The following BROX variants were observed in gnomAD, a reference collection of about 807,000 sequenced individuals.
BROX encodes BRO1 domain and CAAX motif containing.
BROX carries 53 observed loss-of-function variants against 61.0 expected under a neutral mutation model. The observed-to-expected ratio is 0.87, with a 90% CI of 0.70 to 1.09. BROX has a LOEUF of 1.09. BROX is among the 50% of genes least tolerant of loss of function. The probability of loss-of-function intolerance (pLI) is 0.00; values close to 1 mark genes in which losing one functional copy is unlikely to be tolerated. For missense variants in BROX, 489 were observed against 472.0 expected, an observed-to-expected ratio of 1.04 and a Z score of -0.33; for synonymous variants, 152 against 160.2, an observed-to-expected ratio of 0.95 and a Z score of 0.38.
chr1:222,731,500 G>T lies in BROX; in HGVS notation c.1133G>T (p.Arg378Ile). 1 of 1,587,840 alleles carries T rather than the reference G, an allele frequency of 6.3e-7. No individual in the cohort carries two copies. The highest frequency in any genetic ancestry group is 8.5e-7 in the Non-Finnish European group (1 of 1,173,314). The change falls in exon 12 of 13, where the codon AGA becomes ATA. Residue 378 changes from arginine (R) to isoleucine (I), a missense_variant. Physicochemically the swap from Arg to Ile is moderately conservative, Grantham distance 97. Transcript: ENST00000340934. The part of the protein sequence containing the change: ...ETLAAFDLTK[R>I]PKDDSTKPKP... ...TTGGCTGCATTTGATCTCACCAAAA[G>T]ACCCAAGGATGACAGTGTATGAGAT...
At position 222,729,764 on chromosome 1, in the gene BROX, G is replaced by A. The variant is rs911067551; in HGVS notation, c.838+63G>A. 4 of 1,469,208 alleles carry A rather than the reference G, an allele frequency of 2.7e-6. No individual in the cohort carries two copies. In the African/African-American group the frequency reaches 5.6e-5, roughly 21 times the overall value. 91.0% of individuals were successfully genotyped at this position (1,469,208 alleles called of 1,614,324 possible). Reference sequence around the variant, plus strand: ...AAACAAATGACTTTATCATAAAAGGGAATATATGCTTAAAGAGATTTTGGC... The same window carrying A: ...AAACAAATGACTTTATCATAAAAGGAAATATATGCTTAAAGAGATTTTGGC... On this transcript the variant is annotated intron_variant, in intron 10 of 12. Coordinates refer to ENST00000340934, the MANE Select transcript of BROX (RefSeq NM_144695.4).
chr1:222,727,276 C>G lies in BROX; in HGVS notation c.670+19C>G, dbSNP rs369931734. ...AAAGCTGGTAAGCTTCTAATTCTGT[C>G]GTTACATTTTTAGTCTTTAGATTTT... is the stretch of plus-strand genomic sequence containing the variant. On this transcript the variant is annotated intron_variant, in intron 8 of 12. Coordinates refer to ENST00000340934, the MANE Select transcript of BROX (RefSeq NM_144695.4). 8.4e-6 allele frequency: 13 copies of G among 1,554,080 alleles called. No homozygotes were observed. In the East Asian group the frequency reaches 2.9e-4, roughly 35 times the overall value.
At chr1:222,724,009 G>A (rs1174781900) in intron 5 of BROX, 83 bp from the exon 6 acceptor site, 4 of 924,108 alleles carry the variant, frequency 4.3e-6, no homozygotes, top group Admixed American at 2.6e-5. Flanking sequence ...GACTACTTTG[G>A]ATGTATAATA....
At chr1:222,713,366 G>T in intron 1 of BROX, 1 of 985,624 alleles carries the variant, frequency 1.0e-6, no homozygotes, top group Non-Finnish European at 1.2e-6. Flanking sequence ...GGAGGAAGAG[G>T]CTGGGTGGTA....
chr1:222,729,805 G>A, intron 10 of BROX, 104 bp downstream of exon 10: 1 of 1,204,196 alleles, frequency 8.3e-7, no homozygotes, highest in Non-Finnish European at 1.2e-6. Context: ...TCATGAAAGG[G>A]AAATGGGAAT....
chr1:222,713,265 T>C, intron 1 of BROX: 1 of 986,080 alleles, frequency 1.0e-6, no homozygotes, highest in South Asian at 4.6e-5. Flanking sequence ...GTATCGGCTT[T>C]CCACAAAAAT....
Position 222,728,760 on chromosome 1 carries a change from T to C in BROX, c.688T>C (p.Leu230=), listed in dbSNP as rs745930905. 7 of 1,601,670 alleles carry C rather than the reference T, an allele frequency of 4.4e-6. No individual in the cohort carries two copies. The highest frequency in any genetic ancestry group is 6.0e-6 in the Non-Finnish European group (7 of 1,171,014). Residue 230 remains leucine, a synonymous_variant, in exon 9 of 13, where the codon TTG becomes CTG. Coordinates refer to ENST00000340934, the MANE Select transcript of BROX (RefSeq NM_144695.4). ...AACTTTAGATCATACTTTATCCAGT[T>C]TGGAGCCTGCATATTCTGCCAAATG... The part of the protein sequence containing the change: ...YQKADHTLSS[L]EPAYSAKWRK...
At chr1:222,731,296 C>A in intron 11 of BROX, 61 bp from the exon 12 acceptor site, 1 of 1,384,138 alleles carries the variant, frequency 7.2e-7, no homozygotes, top group Non-Finnish European at 9.7e-7. Context: ...GGACCTTGAA[C>A]ATATTAGGCA....
In BROX at chr1:222,724,120, C is replaced by T. The variant is rs1380508472; in HGVS notation, c.430C>T (p.His144Tyr). Residue 144 changes from histidine (H) to tyrosine (Y), a missense_variant, in exon 6 of 13, where the codon CAT becomes TAT. Transcript: ENST00000340934. ...NITEDEAKEV[H>Y]RSLKIAAGIF... is the part of the protein sequence containing the mutation. ...AACAGAAGATGAAGCAAAAGAAGTT[C>T]ATCGAAGCCTAAAGATTGCAGCTGG... 1 of 1,611,434 alleles carries T rather than the reference C, an allele frequency of 6.2e-7. No individual in the cohort carries two copies.
Position 222,725,541 on chromosome 1 carries a change from CTGAAGCTCAAGAAGGT to C in BROX, c.567_580+2del. The C allele has an allele frequency of 6.2e-7, 1 of 1,604,508 alleles. No homozygotes were observed. Among genetic ancestry groups the C allele is most frequent in the Non-Finnish European group, 8.5e-7 (1 of 1,175,172 alleles). The stretch of plus-strand genomic sequence containing the variant: ...GAAGCATACGTTATTCAATGTCAGG[CTGAAGCTCAAGAAGGT>C]ATCCTAAATATTGTAAGATTTTTTT... On this transcript the variant is annotated splice_donor_variant and coding_sequence_variant, in exon 7 of 13. Transcript: ENST00000340934. LOFTEE classifies it high-confidence loss of function.
chr1:222,718,305 G>T (rs1656791622), intron 2 of BROX, among the ~76,000 whole-genome samples: 1 of 152,162 alleles, frequency 6.6e-6, no homozygotes, highest in South Asian at 2.1e-4. Flanking sequence ...GAGAAGTAAA[G>T]GAGAATGTAG....
intron 1 of BROX, chr1:222,714,078 A>G (rs1656327758): frequency 6.6e-6 from 1 of 152,234 alleles, no homozygotes; most frequent in Admixed American, 6.5e-5. Context: ...CCTTCAAATT[A>G]AATGAACCTT....
rs1487779941 is a variant in BROX at position 222,729,941 on chromosome 1, C to T, written c.839-86C>T. ...ATATTAGGTAAAGAGCAGTAAATGT[C>T]TTATCACCTCCAGTTTAAAGCCTTG... On this transcript the variant is annotated intron_variant, in intron 10 of 12. Transcript: ENST00000340934. The T allele has an allele frequency of 1.7e-5, 22 of 1,306,318 alleles. No homozygotes were observed. The South Asian group carries it at 3.2e-4, about 19-fold the overall frequency. The allele number at this position is 1,306,318 out of a possible 1,614,324, so 80.9% of individuals were successfully genotyped here.
In BROX at chr1:222,712,756, C is replaced by T; in HGVS notation, c.-203C>T. On this transcript the variant is annotated 5_prime_UTR_variant, in exon 1 of 13. Transcript: ENST00000340934. ...CGGCAATACCCGCCCCTGAGCTGCGCGCACTACCGCCTCGGTAGCTATCAT... is the reference window on the plus strand; with the variant it reads ...CGGCAATACCCGCCCCTGAGCTGCGTGCACTACCGCCTCGGTAGCTATCAT... The T allele has an allele frequency of 7.8e-7, 1 of 1,289,880 alleles. No individual in the cohort carries two copies. Among genetic ancestry groups the T allele is most frequent in the Non-Finnish European group, 1.0e-6 (1 of 989,214 alleles). The allele number at this position is 1,289,880 out of a possible 1,614,324, so 79.9% of individuals were successfully genotyped here.
At chr1:222,713,345 G>T (rs1157531715) in intron 1 of BROX, 2 of 985,794 alleles carry the variant, frequency 2.0e-6, no homozygotes, top group Non-Finnish European at 1.2e-6. Context: ...CCTCGAACGG[G>T]ACTGGGCACG....
chr1:222,733,899 C>T lies in BROX; in HGVS notation c.*1185C>T, dbSNP rs1312421653. 1.3e-5 allele frequency: 2 copies of T among 152,176 alleles called. No homozygotes were observed. Among genetic ancestry groups the T allele is most frequent in the African/African-American group, 2.4e-5 (1 of 41,442 alleles). 9.4% of individuals were successfully genotyped at this position (152,176 alleles called of 1,614,324 possible). ...TAAATGAGTAGGTTGTCCTGAATTA[C>T]ACTGGTAACTCTCTACTTCTTTATT... On this transcript the variant is annotated 3_prime_UTR_variant, in exon 13 of 13. Transcript: ENST00000340934.
intron 1 of BROX, chr1:222,713,533 C>T: frequency 4.0e-6 from 3 of 743,994 alleles, no homozygotes; most frequent in Non-Finnish European, 4.9e-6. Flanking sequence ...ATTGGTGGCT[C>T]TAAAGGCACC....
chr1:222,722,315 G>C (rs1251532387), intron 4 of BROX, 104 bp from the exon 5 acceptor site: 1 of 891,178 alleles, frequency 1.1e-6, no homozygotes, highest in Non-Finnish European at 1.8e-6. Context: ...ATACATACCA[G>C]TTAGCATATA....
Position 222,727,248 on chromosome 1 carries a change from C to CA in BROX, c.666dup (p.Ala223SerfsTer2), listed in dbSNP as rs1272555471. ...GGCGTATGAAACAGCCAATTTCTAT[C>CA]AAAAAGCTGGTAAGCTTCTAATTCT... On this transcript the variant is annotated frameshift_variant, in exon 8 of 13. Transcript: ENST00000340934. LOFTEE classifies it high-confidence loss of function. 6.2e-7 allele frequency: 1 copy of CA among 1,608,996 alleles called. No individual in the cohort carries two copies. The highest frequency in any genetic ancestry group is 1.3e-5 in the African/African-American group (1 of 74,782).
Sources: gnomAD v4.1 joint callset for allele counts (sites outside exome capture counted in the v4.1 genomes callset) on GRCh38, gnomAD v4.1.1 for gene constraint, MANE v1.5 for transcripts, NCBI Gene and HGNC (gene_info 2026-07-23, HGNC 2026-07-21) for gene names.